VOPP1: variants seen among roughly 807,000 people sequenced by gnomAD.
The protein encoded by VOPP1 is WW domain binding protein VOPP1.
Under a neutral mutation model 23.5 loss-of-function variants are expected in VOPP1, and 8 were observed. The observed-to-expected ratio is 0.34, with a 90% CI of 0.20 to 0.61. The LOEUF is 0.61. Among genes scored for constraint, VOPP1 ranks in the 20% least tolerant of loss-of-function variants. VOPP1 has a pLI of 0.78. For missense variants in VOPP1, 174 were observed against 238.1 expected, an observed-to-expected ratio of 0.73 and a Z score of 1.77; for synonymous variants, 83 against 97.3, an observed-to-expected ratio of 0.85 and a Z score of 0.86.
chr7:55,477,706 G>A (rs763580759), intron 4 of VOPP1, among the ~76,000 whole-genome samples: 3 of 152,228 alleles, frequency 2.0e-5, no homozygotes, highest in Non-Finnish European at 4.4e-5. Context: ...CTGGTGGGAC[G>A]GGATTGAAAT....
intron 4 of VOPP1, among the ~76,000 whole-genome samples, chr7:55,482,809 G>C (rs1007475137): frequency 5.3e-5 from 8 of 152,156 alleles, no homozygotes; most frequent in African/African-American, 1.9e-4. Flanking sequence ...GACAAACTTA[G>C]TGAGCAAGAT....
Position 55,472,735 on chromosome 7 carries a change from G to A in VOPP1, c.*120C>T. On this transcript the variant is annotated 3_prime_UTR_variant, in exon 5 of 5. Transcript: ENST00000285279. ...GAAAGAGAGCTGTGCTTGCTGTGAG[G>A]ATATCAGAGGAACTGCCCTTAGCAG... The A allele has an allele frequency of 4.0e-6, 2 of 494,514 alleles. No individual in the cohort carries two copies. The highest frequency in any genetic ancestry group is 3.2e-5 in the South Asian group (1 of 30,782). The allele number at this position is 494,514 out of a possible 1,614,324, so 30.6% of individuals were successfully genotyped here.
chr7:55,507,723 G>A (rs1294160415), intron 2 of VOPP1, among the ~76,000 whole-genome samples: 1 of 152,196 alleles, frequency 6.6e-6, no homozygotes, highest in Non-Finnish European at 1.5e-5. Flanking sequence ...CATGATGTCA[G>A]AATTGTCCTC....
intron 1 of VOPP1, among the ~76,000 whole-genome samples, chr7:55,540,444 A>AATAAATAT (rs1278816931): frequency 6.4e-5 from 9 of 141,520 alleles, no homozygotes; most frequent in African/African-American, 2.3e-4. Context: ...TAAATAAATA[A>AATAAATAT]AAATAAATGA....
intron 4 of VOPP1, among the ~76,000 whole-genome samples, chr7:55,488,018 C>T (rs1167495920): frequency 5.3e-5 from 8 of 152,210 alleles, no homozygotes; most frequent in Non-Finnish European, 8.8e-5. Context: ...CTAGTTAGCT[C>T]ATGTTTTCAG....
At chr7:55,473,395 G>T (rs1400895932) in intron 4 of VOPP1, among the ~76,000 whole-genome samples, 1 of 152,206 alleles carries the variant, frequency 6.6e-6, no homozygotes, top group African/African-American at 2.4e-5. Flanking sequence ...CATTATCGCA[G>T]GAGCTCCACA....
intron 4 of VOPP1, among the ~76,000 whole-genome samples, chr7:55,440,323 G>A (rs2128998946): frequency 6.6e-6 from 1 of 152,294 alleles, no homozygotes; most frequent in African/African-American, 2.4e-5. Context: ...CAGTTTCTGG[G>A]GTTGGCAGCT....
At chr7:55,519,251 G>A (rs1320085228) in intron 2 of VOPP1, among the ~76,000 whole-genome samples, 1 of 152,202 alleles carries the variant, frequency 6.6e-6, no homozygotes, top group African/African-American at 2.4e-5. Flanking sequence ...AGGAAACTGG[G>A]CCACAGGACT....
At chr7:55,497,554 TGGGGGGG>T in intron 3 of VOPP1, 52 bp downstream of exon 3, 9 of 973,906 alleles carry the variant, frequency 9.2e-6, no homozygotes, top group Non-Finnish European at 1.0e-5. Context: ...ACAACACTGA[TGGGGGGG>T]GGGGGGGGGC....
At chr7:55,505,279 G>T (rs879495141) in intron 2 of VOPP1, among the ~76,000 whole-genome samples, 1 of 152,158 alleles carries the variant, frequency 6.6e-6, no homozygotes, top group African/African-American at 2.4e-5. Context: ...CGAGACTGGG[G>T]CCTGAAAATG....
chr7:55,556,100 C>T (rs975511869), intron 1 of VOPP1, among the ~76,000 whole-genome samples: 1 of 152,228 alleles, frequency 6.6e-6, no homozygotes, highest in African/African-American at 2.4e-5. Context: ...AAACAGAAAG[C>T]TGCTGCACTC....
At chr7:55,530,989 C>T (rs1796465846) in intron 1 of VOPP1, 2 of 152,190 alleles carry the variant, frequency 1.3e-5, no homozygotes, top group Admixed American at 6.5e-5. Context: ...GCCCAAAGCC[C>T]ACCAGGGTGC....
At chr7:55,463,785 T>C (rs763766430) in intron 4 of VOPP1, among the ~76,000 whole-genome samples, 4 of 152,126 alleles carry the variant, frequency 2.6e-5, no homozygotes, top group South Asian at 2.1e-4. Context: ...TGGTCACTGA[T>C]AGGGGATGTG....
chr7:55,471,813 C>G lies in VOPP1; in HGVS notation c.*1042G>C, dbSNP rs1162595445. 1.3e-5 allele frequency: 2 copies of G among 151,802 alleles called. No individual in the cohort carries two copies. The highest frequency in any genetic ancestry group is 1.9e-4 in the East Asian group (1 of 5,142). The allele number at this position is 151,802 out of a possible 1,614,324, so 9.4% of individuals were successfully genotyped here. A position where few individuals can be genotyped will look rare whatever the true frequency, so the allele number is the denominator to read the frequency against. On this transcript the variant is annotated 3_prime_UTR_variant, in exon 5 of 5. Coordinates refer to ENST00000285279, the MANE Select transcript of VOPP1 (RefSeq NM_030796.5). The stretch of plus-strand genomic sequence containing the variant: ...CTCCTCCTTGGAGCCCAGCACACAC[C>G]CGCTTAGACCCAACACAACCTCAGA...
intron 4 of VOPP1, among the ~76,000 whole-genome samples, chr7:55,485,891 A>G (rs908696840): frequency 4.6e-5 from 7 of 152,366 alleles, no homozygotes; most frequent in African/African-American, 1.4e-4. Context: ...TTTAGGGAGA[A>G]AAGTGCAATG....
At chr7:55,546,942 T>C (rs1461254955) in intron 1 of VOPP1, among the ~76,000 whole-genome samples, 1 of 152,166 alleles carries the variant, frequency 6.6e-6, no homozygotes, top group Non-Finnish European at 1.5e-5. Context: ...CCCCTGAACA[T>C]GGAGAAGGAC....
chr7:55,443,477 G>T (rs182912241), intron 4 of VOPP1, among the ~76,000 whole-genome samples: 2 of 151,040 alleles, frequency 1.3e-5, no homozygotes, highest in East Asian at 2.0e-4. Context: ...TGGCATGAAC[G>T]CAGGAGGCAG....
chr7:55,555,217 G>A (rs1392274648), intron 1 of VOPP1, among the ~76,000 whole-genome samples: 1 of 152,132 alleles, frequency 6.6e-6, no homozygotes, highest in African/African-American at 2.4e-5. Context: ...ATAGGACAGG[G>A]ACCAAAGCCT....
At chr7:55,547,135 G>A (rs1378666530) in intron 1 of VOPP1, among the ~76,000 whole-genome samples, 2 of 152,234 alleles carry the variant, frequency 1.3e-5, no homozygotes, top group African/African-American at 4.8e-5. Flanking sequence ...AGAGCTGTAG[G>A]AGGGAGTGGT....
Sources: gnomAD v4.1 joint callset for allele counts (sites outside exome capture counted in the v4.1 genomes callset) on GRCh38, gnomAD v4.1.1 for gene constraint, MANE v1.5 for transcripts, NCBI Gene and HGNC (gene_info 2026-07-23, HGNC 2026-07-21) for gene names.